Variants in SERPINE3 observed in about 807,000 individuals in gnomAD.
SERPINE3 encodes serpin E3.
A neutral mutation model predicts 41.7 loss-of-function variants in SERPINE3; 43 were observed. The observed-to-expected ratio is 1.03, with a 90% confidence interval of 0.81 to 1.33. The LOEUF (loss-of-function observed/expected upper bound fraction) is 1.33, where lower values mean the gene tolerates loss of function less well. SERPINE3 is among the 40% of genes most tolerant of loss of function. The pLI, the probability that SERPINE3 is intolerant of heterozygous loss-of-function variation, is 0.00. For missense variants in SERPINE3, 440 were observed against 491.7 expected (o/e 0.89, Z 0.99); for synonymous variants, 200 against 192.2 (o/e 1.04, Z -0.34).
chr13:51,350,855 G>A (rs147650381), intron 6 of SERPINE3, among the ~76,000 whole-genome samples: 3 of 152,064 alleles, frequency 2.0e-5, no homozygotes, highest in Admixed American at 6.6e-5. Flanking sequence ...TTGCCTATTC[G>A]AGAATTTCAT....
chr13:51,363,514 A>C (rs959882624), intron 9 of SERPINE3: 1 of 151,946 alleles, frequency 6.6e-6, no homozygotes, highest in Non-Finnish European at 1.5e-5. Context: ...TTAAAAAAAA[A>C]GATTTGAAAA....
Position 51,361,858 on chromosome 13 carries a change from G to A in SERPINE3, c.1136G>A (p.Arg379Gln), listed in dbSNP as rs368624621. 1.3e-4 allele frequency: 216 copies of A among 1,611,054 alleles called. No individual in the cohort carries two copies. The highest frequency in any genetic ancestry group is 3.4e-5 in the Admixed American group (2 of 59,612). Residue 379 changes from arginine to glutamine, a missense_variant, in exon 9 of 10, where the codon CGG becomes CAG. Coordinates refer to ENST00000681248, the MANE Select transcript of SERPINE3 (RefSeq NM_001386375.1). The part of the protein sequence containing the change: ...RSRIPIFKAD[R>Q]PFIYFLREPN... The stretch of plus-strand genomic sequence containing the variant: ...CGGATTCCTATTTTTAAAGCAGATC[G>A]GCCATTCATCTATTTCCTGAGAGAA...
intron 5 of SERPINE3, 50 bp downstream of exon 5, chr13:51,347,284 T>C (rs1245596702): frequency 1.3e-6 from 2 of 1,532,702 alleles, no homozygotes; most frequent in East Asian, 2.3e-5. Flanking sequence ...AGCCTGGGCC[T>C]GAGGGCAGGA....
Position 51,347,249 on chromosome 13 carries a change from TGCTGG to T in SERPINE3, c.700+16_700+20del. On this transcript the variant is annotated intron_variant, in intron 5 of 9. Transcript: ENST00000681248. ...GGTCAACTACGGTGAGCTCTGCCCCTGCTGGTTTGTCTAAAGGGAGAGGAAGCCTG... is the reference window on the plus strand; with the variant it reads ...GGTCAACTACGGTGAGCTCTGCCCCTTTTGTCTAAAGGGAGAGGAAGCCTG... 6.2e-7 allele frequency: 1 copy of T among 1,610,572 alleles called. No homozygotes were observed.
chr13:51,347,692 C>T (rs761306802), intron 5 of SERPINE3, among the ~76,000 whole-genome samples: 16 of 152,132 alleles, frequency 1.1e-4, no homozygotes, highest in African/African-American at 2.2e-4. Flanking sequence ...TTAAACTGCA[C>T]GCCCTTCTGA....
intron 7 of SERPINE3, among the ~76,000 whole-genome samples, chr13:51,360,075 G>A (rs1390017353): frequency 2.6e-5 from 4 of 152,078 alleles, no homozygotes; most frequent in Non-Finnish European, 5.9e-5. Context: ...CTTACAAGAT[G>A]GATGGAATGC....
intron 7 of SERPINE3, among the ~76,000 whole-genome samples, chr13:51,361,052 T>C (rs932390340): frequency 1.3e-4 from 20 of 152,082 alleles, no homozygotes; most frequent in Admixed American, 1.0e-3. Flanking sequence ...ATTAAATATA[T>C]ATAACAAATT....
chr13:51,348,574 T>G (rs1439636550), intron 6 of SERPINE3, 163 bp downstream of exon 6: 1 of 608,770 alleles, frequency 1.6e-6, no homozygotes, highest in Non-Finnish European at 2.9e-6. Flanking sequence ...ACCCTAGAGT[T>G]TGAGTTCATT....
intron 3 of SERPINE3, 36 bp downstream of exon 3, chr13:51,341,383 T>A: frequency 1.9e-6 from 3 of 1,540,996 alleles, no homozygotes; most frequent in Non-Finnish European, 2.6e-6. Flanking sequence ...TCACTTACCC[T>A]CCTGTTCACA....
rs546148201 is a variant in SERPINE3 at position 51,351,343 on chromosome 13, A to C, written c.899+2932A>C. Among the ~76,000 whole-genome samples the C allele has an allele frequency of 2.7e-4, 41 of 152,228 alleles. No homozygotes were observed. In the South Asian group the frequency reaches 3.3e-3, roughly 12 times the overall value. ...ACCATCTTTTTATTTTAGCCATTCT[A>C]GTTGGTGTGAAGTAGTATCTCATTG... On this transcript the variant is annotated intron_variant, in intron 6 of 9. Coordinates refer to ENST00000681248, the MANE Select transcript of SERPINE3 (RefSeq NM_001386375.1).
At chr13:51,357,988 G>A (rs916308271) in intron 7 of SERPINE3, among the ~76,000 whole-genome samples, 19 of 152,252 alleles carry the variant, frequency 1.2e-4, no homozygotes, top group African/African-American at 3.9e-4. Context: ...TGGAAGTTAT[G>A]TAAGTTAACT....
At chr13:51,357,849 G>T (rs564653922) in intron 7 of SERPINE3, among the ~76,000 whole-genome samples, 5 of 152,098 alleles carry the variant, frequency 3.3e-5, no homozygotes, top group Admixed American at 3.3e-4. Flanking sequence ...GCACAAACTT[G>T]AAACTCTGAA....
At chr13:51,341,500 C>T (rs1469200572) in intron 3 of SERPINE3, among the ~76,000 whole-genome samples, 153 bp downstream of exon 3, 1 of 152,234 alleles carries the variant, frequency 6.6e-6, no homozygotes, top group African/African-American at 2.4e-5. Context: ...CCCTGCTGCT[C>T]AGGCTACCTG....
At chr13:51,358,675 T>C (rs1321106346) in intron 7 of SERPINE3, among the ~76,000 whole-genome samples, 1 of 152,118 alleles carries the variant, frequency 6.6e-6, no homozygotes, top group African/African-American at 2.4e-5. Flanking sequence ...CAAAGAAATA[T>C]TTAAAATGAT....
At chr13:51,345,539 G>T (rs910322765) in intron 4 of SERPINE3, among the ~76,000 whole-genome samples, 8 of 139,822 alleles carry the variant, frequency 5.7e-5, no homozygotes, top group African/African-American at 2.1e-4. Context: ...AGGTTGCAGT[G>T]AGCTGAGACT....
At chr13:51,356,554 G>A (rs965976877) in intron 7 of SERPINE3, among the ~76,000 whole-genome samples, 1 of 151,932 alleles carries the variant, frequency 6.6e-6, no homozygotes, top group Non-Finnish European at 1.5e-5. Flanking sequence ...ACTGTATTCC[G>A]TGAATCACTA....
chr13:51,357,601 T>C (rs977641897), intron 7 of SERPINE3, among the ~76,000 whole-genome samples: 11 of 151,926 alleles, frequency 7.2e-5, no homozygotes, highest in African/African-American at 2.7e-4. Flanking sequence ...GCATCAAATA[T>C]TTTTTTTGCT....
At chr13:51,356,534 C>A (rs1247645374) in intron 7 of SERPINE3, among the ~76,000 whole-genome samples, 2 of 152,120 alleles carry the variant, frequency 1.3e-5, no homozygotes, top group Non-Finnish European at 2.9e-5. Flanking sequence ...GCTGTATTTT[C>A]TTCTACATCA....
intron 1 of SERPINE3, 69 bp downstream of exon 1, chr13:51,339,812 G>A (rs1039293842): frequency 2.0e-5 from 3 of 152,212 alleles, no homozygotes; most frequent in African/African-American, 7.2e-5. Context: ...GGGGCATCAA[G>A]GTCTGATTGC....
Sources: allele counts gnomAD v4.1 joint callset (sites outside exome capture counted in the v4.1 genomes callset), GRCh38; gene constraint gnomAD v4.1.1; transcripts MANE v1.5; gene names NCBI Gene and HGNC (gene_info 2026-07-23, HGNC 2026-07-21).